Variants in CSF2RA observed in about 807,000 individuals in gnomAD.
The protein encoded by CSF2RA is colony stimulating factor 2 receptor subunit alpha, also known as granulocyte-macrophage colony-stimulating factor receptor subunit alpha.
A neutral mutation model predicts 51.6 loss-of-function variants in CSF2RA; 42 were observed. That is an observed-to-expected ratio of 0.81 (90% CI 0.64 to 1.05). CSF2RA has a LOEUF of 1.05. Among genes scored for constraint, CSF2RA ranks in the 50% least tolerant of loss-of-function variants. The pLI is 0.00. For synonymous variants in CSF2RA, 222 were observed against 193.0 expected, an observed-to-expected ratio of 1.15 and a Z score of -1.24; for missense variants, 530 against 501.1, an observed-to-expected ratio of 1.06 and a Z score of -0.55.
At chrX:1,295,664 A>T in intron 9 of CSF2RA, 1 of 735,792 alleles carries the variant, frequency 1.4e-6, no homozygotes, top group East Asian at 2.6e-5. Flanking sequence ...TCCCCTACTG[A>T]CGACCTCCAG....
At chrX:1,322,439 GTTTTTTTTTT>G in the CSF2RA span, among the ~76,000 whole-genome samples, 3 of 120,702 alleles carry the variant, frequency 2.5e-5, no homozygotes, top group Admixed American at 9.2e-5. Context: ...GTGTGTGTTT[GTTTTTTTTTT>G]TTTTTTTTTT....
In CSF2RA at chrX:1,274,895, T is replaced by C. The variant is rs1275694552; in HGVS notation, c.-27+77T>C. The C allele has an allele frequency of 6.6e-6, 3 of 451,926 alleles. No individual in the cohort carries two copies. In the Admixed American group the frequency reaches 7.1e-5, roughly 11 times the overall value. 28.0% of individuals were successfully genotyped at this position (451,926 alleles called of 1,614,324 possible). ...TTAAGTGAAGTCTAAAGAACTGAAATGTTTTGCTCCATAATGATGAACCAG... is the reference window on the plus strand; with the variant it reads ...TTAAGTGAAGTCTAAAGAACTGAAACGTTTTGCTCCATAATGATGAACCAG... On this transcript the variant is annotated intron_variant, in intron 2 of 12. Coordinates refer to ENST00000381529, the MANE Select transcript of CSF2RA (RefSeq NM_172245.4).
chrX:1,290,804 T>C (rs1232670675), intron 7 of CSF2RA, among the ~76,000 whole-genome samples: 1 of 152,080 alleles, frequency 6.6e-6, no homozygotes, highest in African/African-American at 2.4e-5. Flanking sequence ...GACGTTGCAA[T>C]GAGGTGAGAT....
intron 2 of CSF2RA, among the ~76,000 whole-genome samples, chrX:1,276,100 A>G (rs1425659124): frequency 1.3e-5 from 2 of 148,968 alleles, no homozygotes; most frequent in African/African-American, 5.0e-5. Context: ...TCCGGAGCTG[A>G]AGCAATTCTC....
the CSF2RA span, among the ~76,000 whole-genome samples, chrX:1,322,613 A>ATT: frequency 6.6e-6 from 1 of 150,734 alleles, no homozygotes; most frequent in Non-Finnish European, 1.5e-5. Flanking sequence ...GTCACGCGGC[A>ATT]GCTCTCGGAG....
intron 2 of CSF2RA, among the ~76,000 whole-genome samples, chrX:1,280,997 CCTCCTCCTCCTT>C (rs2089922071): frequency 8.4e-6 from 1 of 118,624 alleles, no homozygotes; most frequent in African/African-American, 3.1e-5. Flanking sequence ...TCCTCCTTCT[CCTCCTCCTCCTT>C]CTCCTCCTCC....
chrX:1,324,596 G>C, the CSF2RA span, among the ~76,000 whole-genome samples: 7 of 151,422 alleles, frequency 4.6e-5, no homozygotes, highest in Non-Finnish European at 5.9e-5. Flanking sequence ...AAGAGAAAGA[G>C]AGAAAGAAAA....
chrX:1,314,889 A>ACTTCACCTGCCCAACCG (rs2084474784), downstream of CSF2RA, among the ~76,000 whole-genome samples: 1 of 17,450 alleles, frequency 5.7e-5, no homozygotes, highest in African/African-American at 2.3e-4. Context: ...CTGCCCAACC[A>ACTTCACCTGCCCAACCG]CACTGAACCT....
At position 1,308,482 on chromosome X, in the gene CSF2RA, G is replaced by A. The variant is rs776500408; in HGVS notation, c.1126-920G>A. Reference sequence around the variant, plus strand: ...GGGTGACTAAGGGTGAGAGACTTGCGTGACCCACATCCCAAGACCCCGTGG... The same window carrying A: ...GGGTGACTAAGGGTGAGAGACTTGCATGACCCACATCCCAAGACCCCGTGG... On this transcript the variant is annotated intron_variant, in intron 12 of 12. Coordinates refer to ENST00000381529, the MANE Select transcript of CSF2RA (RefSeq NM_172245.4). 1.4e-4 allele frequency among the ~76,000 whole-genome samples: 21 copies of A among 152,064 alleles called. No individual in the cohort carries two copies. In the East Asian group the frequency reaches 3.9e-3, roughly 28 times the overall value.
intron 2 of CSF2RA, among the ~76,000 whole-genome samples, chrX:1,279,335 G>A (rs754067002): frequency 4.6e-4 from 69 of 149,834 alleles, no homozygotes; most frequent in Middle Eastern, 3.4e-3. Flanking sequence ...GGGCGACAGA[G>A]CAAGACCGTC....
intron 3 of CSF2RA, among the ~76,000 whole-genome samples, chrX:1,283,155 G>GTTCCTTCC (rs2090244825): frequency 4.4e-5 from 3 of 68,104 alleles, no homozygotes; most frequent in Non-Finnish European, 9.2e-5. Flanking sequence ...TCCTTCCTTC[G>GTTCCTTCC]TTCCTTCCTT....
chrX:1,321,096 G>A, the CSF2RA span, among the ~76,000 whole-genome samples: 17 of 151,100 alleles, frequency 1.1e-4, no homozygotes, highest in South Asian at 3.3e-3. Context: ...CACCCTCCTC[G>A]GCCTCCCAAA....
chrX:1,281,250 T>TCCTCCTTCTCCTCC (rs2090016196), intron 2 of CSF2RA, among the ~76,000 whole-genome samples: 1 of 64,162 alleles, frequency 1.6e-5, no homozygotes, highest in African/African-American at 5.8e-5. Context: ...CCTTCTCCTC[T>TCCTCCTTCTCCTCC]TCCTTCTTCT....
chrX:1,282,310 A>C (rs1281662173), intron 2 of CSF2RA: 10 of 264,582 alleles, frequency 3.8e-5, no homozygotes, highest in Non-Finnish European at 6.5e-5. Context: ...AATTATTAAC[A>C]GAAAGTAAAA....
At position 1,278,899 on chromosome X, in the gene CSF2RA, G is replaced by A. The variant is rs190370497; in HGVS notation, c.-26-3779G>A. On this transcript the variant is annotated intron_variant, in intron 2 of 12. Transcript: ENST00000381529. ...CTAAAAATACAAAAATTAGCCAGGCGTGTTGGTGCGTGCCTGTAGTCCCAG... is the reference window on the plus strand; with the variant it reads ...CTAAAAATACAAAAATTAGCCAGGCATGTTGGTGCGTGCCTGTAGTCCCAG... 3.2e-3 allele frequency among the ~76,000 whole-genome samples: 479 copies of A among 148,212 alleles called. 4 individuals are homozygous for A. The highest frequency in any genetic ancestry group is 0.011 in the African/African-American group (441 of 40,010).
intron 2 of CSF2RA, among the ~76,000 whole-genome samples, chrX:1,279,670 TG>T (rs1417681429): frequency 2.0e-5 from 3 of 151,844 alleles, no homozygotes; most frequent in Non-Finnish European, 4.4e-5. Flanking sequence ...ACAGATGAGT[TG>T]GGGGGCAGGG....
chrX:1,284,195 C>CTCTCTTTT (rs1443798206), intron 3 of CSF2RA, among the ~76,000 whole-genome samples: 3 of 91,754 alleles, frequency 3.3e-5, no homozygotes, highest in African/African-American at 1.2e-4. Context: ...CTCTGTCTCT[C>CTCTCTTTT]TTTTTTTTTT....
rs1280573541 is a variant in CSF2RA, at chrX:1,295,979, C to CA, written c.810+524dup. ...TAGTGTAACTCTACAGTCCCCTACT[C>CA]ACGACCCCCGGAGTAATCCTACAGT... On this transcript the variant is annotated intron_variant, in intron 9 of 12. Transcript: ENST00000381529. Among the ~76,000 whole-genome samples the CA allele has an allele frequency of 5.3e-5, 8 of 151,422 alleles. 1 individual carries two copies. The highest frequency in any genetic ancestry group is 1.9e-4 in the African/African-American group (8 of 41,214).
At position 1,287,681 on chromosome X, in the gene CSF2RA, T is replaced by TG. The variant is rs1406238934; in HGVS notation, c.220-837dup. 7.8e-5 allele frequency among the ~76,000 whole-genome samples: 11 copies of TG among 140,734 alleles called. No individual in the cohort carries two copies. In the East Asian group the frequency reaches 2.5e-3, roughly 32 times the overall value. The allele number at this position is 140,734 out of a possible 152,430, so 92.3% of individuals were successfully genotyped here. ...CTGATCTTGAACTCCTGACCTCAAG[T>TG]GATCCACCCGCCTCGGCCTCCCAGA... On this transcript the variant is annotated intron_variant, in intron 4 of 12. Transcript: ENST00000381529.
Sources: gnomAD v4.1 joint callset for allele counts (sites outside exome capture counted in the v4.1 genomes callset) on GRCh38, gnomAD v4.1.1 for gene constraint, MANE v1.5 for transcripts, NCBI Gene and HGNC (gene_info 2026-07-23, HGNC 2026-07-21) for gene names.